The following KLHL29 variants were observed in gnomAD, a reference collection of about 807,000 sequenced individuals.
The protein encoded by KLHL29 is kelch-like protein 29.
Under a neutral mutation model 80.4 loss-of-function variants are expected in KLHL29, and 21 were observed. The observed-to-expected ratio is 0.26, with a 90% CI of 0.19 to 0.38. The LOEUF (loss-of-function observed/expected upper bound fraction) is 0.38. KLHL29 is among the 10% of genes least tolerant of loss of function. The probability of loss-of-function intolerance (pLI) is 1.00; values close to 1 mark genes in which losing one functional copy is unlikely to be tolerated. For missense variants in KLHL29, 867 were observed against 1,223.9 expected (o/e 0.71, Z 4.35); for synonymous variants, 511 against 526.8 (o/e 0.97, Z 0.41).
At chr2:23,532,013 A>T (rs1436537286) in intron 2 of KLHL29, among the ~76,000 whole-genome samples, 1 of 152,212 alleles carries the variant, frequency 6.6e-6, no homozygotes, top group Non-Finnish European at 1.5e-5. Flanking sequence ...GCCCAGTGGA[A>T]GCCTCGACGG....
At chr2:23,402,672 A>G (rs1361580118) in intron 1 of KLHL29, among the ~76,000 whole-genome samples, 1 of 152,240 alleles carries the variant, frequency 6.6e-6, no homozygotes, top group Non-Finnish European at 1.5e-5. Flanking sequence ...AAAGTGGTGT[A>G]AATAACCCTC....
chr2:23,512,188 G>A lies in KLHL29; in HGVS notation c.-46+36521G>A, dbSNP rs1489623766. On this transcript the variant is annotated intron_variant, in intron 2 of 13. Coordinates refer to ENST00000486442, the MANE Select transcript of KLHL29 (RefSeq NM_052920.2). ...AGGCCGGACGCGGTGGCTCACACCTGTAATCCCAGCACTTTGGAAGGCCAA... is the reference window on the plus strand; with the variant it reads ...AGGCCGGACGCGGTGGCTCACACCTATAATCCCAGCACTTTGGAAGGCCAA... 2.0e-5 allele frequency among the ~76,000 whole-genome samples: 3 copies of A among 152,152 alleles called. No homozygotes were observed. In the East Asian group the frequency reaches 5.8e-4, roughly 29 times the overall value.
chr2:23,461,975 C>CTTTTTT lies in KLHL29; in HGVS notation c.-153-13585_-153-13584insTTTTTT, dbSNP rs1164075132. ...GTGCAAAAGTAATTGCGGTTTTTGC[C>CTTTTTT]ATTTTTTTTTTTTTAATGACAAAAA... On this transcript the variant is annotated intron_variant, in intron 1 of 13. Coordinates refer to ENST00000486442, the MANE Select transcript of KLHL29 (RefSeq NM_052920.2). Among the ~76,000 whole-genome samples the CTTTTTT allele has an allele frequency of 4.6e-3, 368 of 79,518 alleles. 10 individuals are homozygous for CTTTTTT. Among genetic ancestry groups the CTTTTTT allele is most frequent in the African/African-American group, 0.013 (310 of 23,096 alleles). The allele number at this position is 79,518 out of a possible 152,430, so 52.2% of individuals were successfully genotyped here. A position where few individuals can be genotyped will look rare whatever the true frequency, so the allele number is the denominator to read the frequency against.
At chr2:23,536,791 A>G (rs996803526) in intron 2 of KLHL29, among the ~76,000 whole-genome samples, 6 of 152,134 alleles carry the variant, frequency 3.9e-5, no homozygotes, top group Non-Finnish European at 7.3e-5. Flanking sequence ...TGGTTGATGT[A>G]GATAAGTAGG....
intron 3 of KLHL29, among the ~76,000 whole-genome samples, chr2:23,564,391 G>T (rs1199361100): frequency 2.0e-5 from 3 of 152,186 alleles, no homozygotes; most frequent in Admixed American, 2.0e-4. Flanking sequence ...GAGGGGGAGA[G>T]GGGGCGAAAG....
In KLHL29 at chr2:23,422,736, C is replaced by T. The variant is rs757430892; in HGVS notation, c.-154+36956C>T. Among the ~76,000 whole-genome samples, 3 of 127,294 alleles carry T rather than the reference C, an allele frequency of 2.4e-5. No individual in the cohort carries two copies. The South Asian group carries it at 7.6e-4, about 32-fold the overall frequency. 83.5% of individuals were successfully genotyped at this position (127,294 alleles called of 152,430 possible). A position where few individuals can be genotyped will look rare whatever the true frequency, so the allele number is the denominator to read the frequency against. ...CCTGTGCAGGTGAGCGGGCAGTGCC[C>T]GTGTGTGTCTGTGTGTCTGTGTCTC... On this transcript the variant is annotated intron_variant, in intron 1 of 13. Transcript: ENST00000486442.
At chr2:23,387,516 ATTATTATTATT>A (rs961146477) in intron 1 of KLHL29, among the ~76,000 whole-genome samples, 3 of 51,624 alleles carry the variant, frequency 5.8e-5, no homozygotes, top group African/African-American at 2.4e-4. Flanking sequence ...TATTATTATT[ATTATTATTATT>A]ATTATTATTA....
chr2:23,640,931 T>A (rs1408284464), intron 4 of KLHL29, among the ~76,000 whole-genome samples: 2 of 152,162 alleles, frequency 1.3e-5, no homozygotes, highest in African/African-American at 4.8e-5. Context: ...CTGCCCCACC[T>A]CGGCGCCATT....
intron 3 of KLHL29, among the ~76,000 whole-genome samples, chr2:23,606,305 GA>G (rs1474222141): frequency 6.6e-6 from 1 of 152,098 alleles, no homozygotes; most frequent in Non-Finnish European, 1.5e-5. Flanking sequence ...GCCTGCTCAG[GA>G]AAGCTGGAAG....
At chr2:23,597,399 A>G (rs1572427040) in intron 3 of KLHL29, among the ~76,000 whole-genome samples, 1 of 79,736 alleles carries the variant, frequency 1.3e-5, no homozygotes, top group Non-Finnish European at 2.3e-5. Flanking sequence ...ATATATATAT[A>G]TATATATATT....
intron 2 of KLHL29, among the ~76,000 whole-genome samples, chr2:23,479,715 C>T (rs1462386827): frequency 6.6e-6 from 1 of 152,136 alleles, no homozygotes; most frequent in African/African-American, 2.4e-5. Context: ...CCTTGCTCTC[C>T]AAGGAAGCCT....
chr2:23,693,924 AG>A (rs1671781233), intron 8 of KLHL29, among the ~76,000 whole-genome samples: 1 of 152,182 alleles, frequency 6.6e-6, no homozygotes, highest in South Asian at 2.1e-4. Context: ...TGAGGTCCTG[AG>A]GGGACTGTGT....
chr2:23,639,374 C>G, intron 4 of KLHL29, 94 bp downstream of exon 4: 1 of 1,298,778 alleles, frequency 7.7e-7, no homozygotes, highest in Non-Finnish European at 1.1e-6. Context: ...CACAGCAGGT[C>G]TTGAACCCAG....
Position 23,670,652 on chromosome 2 carries a change from T to G in KLHL29, c.941-13747T>G, listed in dbSNP as rs1670687922. ...TCATGCCTATTAAGATTTTCTAATA[T>G]TCCTCTAATGATGTGGAGATTAATT... is the stretch of plus-strand genomic sequence containing the variant. On this transcript the variant is annotated intron_variant, in intron 5 of 13. Transcript: ENST00000486442. 5.9e-5 allele frequency among the ~76,000 whole-genome samples: 9 copies of G among 152,306 alleles called. No homozygotes were observed. The South Asian group carries it at 1.9e-3, about 32-fold the overall frequency.
Position 23,622,016 on chromosome 2 carries a change from T to A in KLHL29, c.286-17123T>A, listed in dbSNP as rs539494088. On this transcript the variant is annotated intron_variant, in intron 3 of 13. Transcript: ENST00000486442. ...AGGCAGGTGCACAGTGGCCCCCACA[T>A]TCATCCCCTTGGGATGTGCTGGAAG... 5.3e-5 allele frequency among the ~76,000 whole-genome samples: 8 copies of A among 152,286 alleles called. No individual in the cohort carries two copies. The East Asian group carries it at 1.4e-3, about 26-fold the overall frequency.
At chr2:23,553,277 G>A (rs1312171025) in intron 2 of KLHL29, among the ~76,000 whole-genome samples, 1 of 152,262 alleles carries the variant, frequency 6.6e-6, no homozygotes, top group Non-Finnish European at 1.5e-5. Flanking sequence ...GGTGAGGACT[G>A]GGGGCCAGGA....
chr2:23,590,757 G>A (rs1668239335), intron 3 of KLHL29, among the ~76,000 whole-genome samples: 1 of 152,184 alleles, frequency 6.6e-6, no homozygotes, highest in Non-Finnish European at 1.5e-5. Context: ...ACCCAAGCAA[G>A]GCAGGGAGAG....
chr2:23,537,062 A>C (rs1331275959), intron 2 of KLHL29, among the ~76,000 whole-genome samples: 1 of 152,024 alleles, frequency 6.6e-6, no homozygotes, highest in South Asian at 2.1e-4. Context: ...TGAGGTGCAC[A>C]TGCTACTCTG....
chr2:23,453,640 C>T (rs575525432), intron 1 of KLHL29, among the ~76,000 whole-genome samples: 3 of 152,290 alleles, frequency 2.0e-5, no homozygotes, highest in East Asian at 3.9e-4. Context: ...TGGACGGCAG[C>T]GGCCCTGACT....
Sources: allele counts gnomAD v4.1 joint callset (sites outside exome capture counted in the v4.1 genomes callset), GRCh38; gene constraint gnomAD v4.1.1; transcripts MANE v1.5; gene names NCBI Gene and HGNC (gene_info 2026-07-23, HGNC 2026-07-21).